SLX4IP: variants seen among roughly 807,000 people sequenced by gnomAD.
SLX4IP encodes the protein SLX4 interacting protein, also known as protein SLX4IP.
SLX4IP carries 34 observed loss-of-function variants against 32.9 expected under a neutral mutation model. The observed-to-expected ratio is 1.03, with a 90% confidence interval of 0.79 to 1.38. The LOEUF (loss-of-function observed/expected upper bound fraction) is 1.38. SLX4IP is among the 40% of genes most tolerant of loss of function. The probability of loss-of-function intolerance (pLI) is 0.00; values close to 1 mark genes in which losing one functional copy is unlikely to be tolerated. For missense variants in SLX4IP, 444 were observed against 479.0 expected (o/e 0.93, Z 0.68); for synonymous variants, 172 against 171.7 (o/e 1.00, Z -0.01).
intron 2 of SLX4IP, among the ~76,000 whole-genome samples, chr20:10,493,270 C>T (rs991511653): frequency 6.6e-6 from 1 of 152,122 alleles, no homozygotes; most frequent in Admixed American, 6.5e-5. Context: ...GATTCTGAGT[C>T]TTGTCTTTGA....
intron 2 of SLX4IP, among the ~76,000 whole-genome samples, chr20:10,531,743 G>T (rs1318964332): frequency 6.6e-6 from 1 of 152,190 alleles, no homozygotes; most frequent in African/African-American, 2.4e-5. Flanking sequence ...TGGTCAGAGA[G>T]ACTTGAACTT....
At chr20:10,496,485 C>A (rs1450692052) in intron 2 of SLX4IP, among the ~76,000 whole-genome samples, 1 of 152,112 alleles carries the variant, frequency 6.6e-6, no homozygotes, top group Non-Finnish European at 1.5e-5. Context: ...TTTTCTTGCA[C>A]GAAACAAAAC....
intron 2 of SLX4IP, among the ~76,000 whole-genome samples, chr20:10,508,454 C>T (rs149536135): frequency 1.5e-4 from 23 of 152,290 alleles, no homozygotes; most frequent in Non-Finnish European, 2.6e-4. Context: ...TTATATGAAA[C>T]GCTTTTGATA....
rs149394426 is a variant in SLX4IP at position 10,607,193 on chromosome 20, C to T, written c.405+5374C>T. ...CCGAGCTGTGTCTGCCTCTGCCACA[C>T]CGTCAGTGCACACATGACAATGAGG... On this transcript the variant is annotated intron_variant, in intron 6 of 7. Transcript: ENST00000334534. 1.1e-3 allele frequency among the ~76,000 whole-genome samples: 175 copies of T among 152,288 alleles called. 1 individual carries two copies. The highest frequency in any genetic ancestry group is 3.8e-3 in the African/African-American group (158 of 41,554).
At chr20:10,490,857 T>C (rs2065616302) in intron 2 of SLX4IP, among the ~76,000 whole-genome samples, 1 of 152,210 alleles carries the variant, frequency 6.6e-6, no homozygotes, top group African/African-American at 2.4e-5. Flanking sequence ...CATTCTTTGA[T>C]GTGAATGCTC....
chr20:10,458,592 T>C (rs1009449644), intron 2 of SLX4IP, among the ~76,000 whole-genome samples: 2 of 152,152 alleles, frequency 1.3e-5, no homozygotes, highest in African/African-American at 4.8e-5. Context: ...AGCTCCCACT[T>C]ATAAGTTAGA....
intron 1 of SLX4IP, among the ~76,000 whole-genome samples, chr20:10,448,277 C>T (rs2065217074): frequency 6.6e-6 from 1 of 152,044 alleles, no homozygotes; most frequent in Non-Finnish European, 1.5e-5. Flanking sequence ...TGTATACTGG[C>T]ATTATTTGAA....
In SLX4IP at chr20:10,540,101, TTCCTTCCTTCCTTCCTTCC is replaced by T. The variant is rs1568730745; in HGVS notation, c.28-16128_28-16110del. Among the ~76,000 whole-genome samples, 8 of 88,706 alleles carry T rather than the reference TTCCTTCCTTCCTTCCTTCC, an allele frequency of 9.0e-5. No individual in the cohort carries two copies. The South Asian group carries it at 9.0e-4, about 10-fold the overall frequency. 58.2% of individuals were successfully genotyped at this position (88,706 alleles called of 152,430 possible). A position where few individuals can be genotyped will look rare whatever the true frequency, so the allele number is the denominator to read the frequency against. On this transcript the variant is annotated intron_variant, in intron 2 of 7. Transcript: ENST00000334534. Reference sequence around the variant, plus strand: ...TCTTTTCTCTCCTTCCTTCCTTTCCTTCCTTCCTTCCTTCCTTCCTTCCTTCCTTCCTTCCTTCCTTCTT... The same window carrying T: ...TCTTTTCTCTCCTTCCTTCCTTTCCTTTCCTTCCTTCCTTCCTTCCTTCTT...
rs373274595 is a variant in SLX4IP, at chr20:10,545,651, T to C, written c.28-10580T>C. Among the ~76,000 whole-genome samples the C allele has an allele frequency of 7.9e-5, 12 of 152,264 alleles. No individual in the cohort carries two copies. In the East Asian group the frequency reaches 1.7e-3, roughly 22 times the overall value. ...AGATTCCAGGGAAAAATTACCACTG[T>C]GGGGGGGATTCCTTAAATTATTTTA... On this transcript the variant is annotated intron_variant, in intron 2 of 7. Coordinates refer to ENST00000334534, the MANE Select transcript of SLX4IP (RefSeq NM_001009608.3).
chr20:10,590,579 T>G (rs1450637207), intron 4 of SLX4IP, among the ~76,000 whole-genome samples: 1 of 152,152 alleles, frequency 6.6e-6, no homozygotes, highest in African/African-American at 2.4e-5. Context: ...CAGGCTGGTC[T>G]CAAACTCTTG....
At chr20:10,588,023 C>G (rs1054231035) in intron 4 of SLX4IP, among the ~76,000 whole-genome samples, 2 of 151,416 alleles carry the variant, frequency 1.3e-5, no homozygotes, top group African/African-American at 4.9e-5. Context: ...AGGAAACAAT[C>G]AACAAAATGA....
In SLX4IP at chr20:10,598,667, C is replaced by CT. The variant is rs1470798912; in HGVS notation, c.239-5dup. On this transcript the variant is annotated splice_region_variant and splice_polypyrimidine_tract_variant and intron_variant, in intron 4 of 7. Coordinates refer to ENST00000334534, the MANE Select transcript of SLX4IP (RefSeq NM_001009608.3). ...CTTAACTTAGTGATGTTCCCTTTCA[C>CT]TTTCCAGGTTATGGCTTTCAAATCA... The CT allele has an allele frequency of 9.9e-6, 16 of 1,613,940 alleles. No individual in the cohort carries two copies. The highest frequency in any genetic ancestry group is 1.4e-5 in the Non-Finnish European group (16 of 1,179,802).
chr20:10,555,564 G>C (rs1600996975), intron 2 of SLX4IP, among the ~76,000 whole-genome samples: 1 of 152,130 alleles, frequency 6.6e-6, no homozygotes, highest in Admixed American at 6.5e-5. Flanking sequence ...CTATCTTATT[G>C]AACAGCATAT....
intron 3 of SLX4IP, among the ~76,000 whole-genome samples, chr20:10,558,333 C>A (rs936599476): frequency 7.8e-6 from 1 of 128,358 alleles, no homozygotes; most frequent in Non-Finnish European, 1.7e-5. Flanking sequence ...CAGAGTGAGA[C>A]CCTGTCTCAA....
intron 2 of SLX4IP, among the ~76,000 whole-genome samples, chr20:10,518,118 G>A (rs1173238655): frequency 1.3e-5 from 2 of 152,142 alleles, no homozygotes; most frequent in Non-Finnish European, 2.9e-5. Context: ...CGTGGCACAC[G>A]CTTACCTACG....
intron 2 of SLX4IP, among the ~76,000 whole-genome samples, chr20:10,479,346 A>G (rs6039971): frequency 0.54 from 80,079 of 147,262 alleles, 22,713 homozygotes; most frequent in South Asian, 0.71. Flanking sequence ...CTCAAATTCC[A>G]TATTTCTTTT....
chr20:10,440,409 A>G (rs1222171648), intron 1 of SLX4IP, among the ~76,000 whole-genome samples: 1 of 152,096 alleles, frequency 6.6e-6, no homozygotes, highest in East Asian at 1.9e-4. Context: ...GAGCCAAGAT[A>G]GTGCAACTGC....
chr20:10,518,270 G>A (rs2065866923), intron 2 of SLX4IP, among the ~76,000 whole-genome samples: 1 of 152,198 alleles, frequency 6.6e-6, no homozygotes, highest in South Asian at 2.1e-4. Flanking sequence ...GGACATTGTT[G>A]CTTTCCTGCT....
chr20:10,600,825 A>G (rs1434896068), intron 5 of SLX4IP, among the ~76,000 whole-genome samples: 1 of 152,176 alleles, frequency 6.6e-6, no homozygotes, highest in African/African-American at 2.4e-5. Context: ...TCAGACATGT[A>G]TATCATAAAA....
Sources: gnomAD v4.1 joint callset for allele counts (sites outside exome capture counted in the v4.1 genomes callset) on GRCh38, gnomAD v4.1.1 for gene constraint, MANE v1.5 for transcripts, NCBI Gene and HGNC (gene_info 2026-07-23, HGNC 2026-07-21) for gene names.